SDK1: variants seen among roughly 807,000 people sequenced by gnomAD.
SDK1 encodes protein sidekick-1.
SDK1 carries 157 observed loss-of-function variants against 245.5 expected under a neutral mutation model. That is an observed-to-expected ratio of 0.64 (90% CI 0.56 to 0.73). SDK1 has a LOEUF of 0.73. SDK1 is among the 30% of genes least tolerant of loss of function. The pLI is 0.00. For missense variants in SDK1, 3,583 were observed against 3,002.3 expected, an observed-to-expected ratio of 1.19 and a Z score of -4.52; for synonymous variants, 1,647 against 1,278.5, an observed-to-expected ratio of 1.29 and a Z score of -6.15.
intron 4 of SDK1, among the ~76,000 whole-genome samples, chr7:3,785,956 G>T (rs9655328): frequency 6.6e-6 from 1 of 152,172 alleles, no homozygotes; most frequent in East Asian, 1.9e-4. Context: ...CAGTTTTAGC[G>T]ATTGCTTGCT....
chr7:3,916,923 G>A (rs1330582021), intron 5 of SDK1, among the ~76,000 whole-genome samples: 1 of 152,198 alleles, frequency 6.6e-6, no homozygotes, highest in East Asian at 1.9e-4. Context: ...TACAGGCACA[G>A]ATGCAGACTC....
At chr7:4,095,510 A>T (rs1584112986) in intron 22 of SDK1, among the ~76,000 whole-genome samples, 1 of 152,212 alleles carries the variant, frequency 6.6e-6, no homozygotes, top group African/African-American at 2.4e-5. Context: ...TATTGTTTTC[A>T]GCTACTTTCA....
At chr7:4,260,446 C>G (rs1409143706) in intron 44 of SDK1, among the ~76,000 whole-genome samples, 1 of 140,152 alleles carries the variant, frequency 7.1e-6, no homozygotes, top group African/African-American at 2.7e-5. Context: ...GATGGAGAAG[C>G]TGGCTGCTCC....
intron 5 of SDK1, among the ~76,000 whole-genome samples, chr7:3,930,755 T>C (rs1428833498): frequency 1.3e-5 from 2 of 152,012 alleles, no homozygotes; most frequent in Non-Finnish European, 2.9e-5. Context: ...ATCGCACCAC[T>C]TCACTCCAGC....
intron 18 of SDK1, among the ~76,000 whole-genome samples, chr7:4,050,439 G>T (rs770256501): frequency 1.3e-5 from 2 of 152,200 alleles, no homozygotes; most frequent in African/African-American, 2.4e-5. Flanking sequence ...GTCGAGTCTC[G>T]TTGGCAAGGC....
intron 4 of SDK1, among the ~76,000 whole-genome samples, chr7:3,804,567 T>C (rs1055182328): frequency 6.6e-6 from 1 of 152,222 alleles, no homozygotes; most frequent in Non-Finnish European, 1.5e-5. Context: ...TGCCTTTACA[T>C]ATTATTTTTA....
intron 4 of SDK1, among the ~76,000 whole-genome samples, chr7:3,716,262 T>TG (rs1242925758): frequency 6.6e-6 from 1 of 151,190 alleles, no homozygotes; most frequent in Admixed American, 6.6e-5. Context: ...CTTTCTAAAT[T>TG]GGGGGAAAAA....
chr7:3,404,370 C>A (rs1778997162), intron 1 of SDK1, among the ~76,000 whole-genome samples: 1 of 152,148 alleles, frequency 6.6e-6, no homozygotes, highest in African/African-American at 2.4e-5. Flanking sequence ...ATTGTTATCA[C>A]TGATTTGTAA....
In SDK1 at chr7:4,044,396, A is replaced by C. The variant is rs145606199; in HGVS notation, c.2603-4952A>C. On this transcript the variant is annotated intron_variant, in intron 17 of 44. Transcript: ENST00000404826. ...GAGCCTACATTGAAGGGTTTCAGAC[A>C]TAGACACCACCTCTTCATGGGAAAA... Among the ~76,000 whole-genome samples, 769 of 152,364 alleles carry C rather than the reference A, an allele frequency of 5.0e-3. 8 individuals carry two copies. Among genetic ancestry groups the C allele is most frequent in the African/African-American group, 0.017 (693 of 41,588 alleles).
intron 5 of SDK1, among the ~76,000 whole-genome samples, chr7:3,940,830 A>T (rs1166921892): frequency 6.6e-6 from 1 of 152,020 alleles, no homozygotes; most frequent in Admixed American, 6.5e-5. Context: ...TAGTAAATTA[A>T]TTAAAAAAAT....
At chr7:3,848,115 G>A (rs975263610) in intron 5 of SDK1, among the ~76,000 whole-genome samples, 1 of 152,060 alleles carries the variant, frequency 6.6e-6, no homozygotes, top group African/African-American at 2.4e-5. Flanking sequence ...ATTCCATCTC[G>A]AGCTGTTATG....
At chr7:3,692,482 A>G (rs1261386721) in intron 4 of SDK1, among the ~76,000 whole-genome samples, 2 of 152,140 alleles carry the variant, frequency 1.3e-5, no homozygotes, top group Non-Finnish European at 2.9e-5. Context: ...CATATTTTTC[A>G]ATAACATATT....
chr7:3,968,173 G>A (rs1042166406), intron 10 of SDK1, among the ~76,000 whole-genome samples: 2 of 152,216 alleles, frequency 1.3e-5, no homozygotes, highest in African/African-American at 4.8e-5. Flanking sequence ...TTTTGTTGAA[G>A]AAAGATGCTT....
At chr7:3,921,206 A>G (rs1456613742) in intron 5 of SDK1, among the ~76,000 whole-genome samples, 1 of 152,254 alleles carries the variant, frequency 6.6e-6, no homozygotes, top group East Asian at 1.9e-4. Flanking sequence ...CAAATAAAAA[A>G]TACATTTTTT....
chr7:3,804,329 C>G (rs759334057), intron 4 of SDK1, among the ~76,000 whole-genome samples: 1 of 152,042 alleles, frequency 6.6e-6, no homozygotes, highest in African/African-American at 2.4e-5. Flanking sequence ...TGCTTTGGTA[C>G]CATTGTTAAA....
intron 10 of SDK1, 64 bp downstream of exon 10, chr7:3,967,498 C>T: frequency 2.1e-6 from 2 of 966,292 alleles, no homozygotes; most frequent in Non-Finnish European, 3.3e-6. Context: ...CGGGCCAGTG[C>T]TTGCTTCTTA....
chr7:3,571,747 G>A (rs935816774), intron 1 of SDK1, among the ~76,000 whole-genome samples: 1 of 152,036 alleles, frequency 6.6e-6, no homozygotes, highest in Non-Finnish European at 1.5e-5. Flanking sequence ...TAACATTCTT[G>A]GTAATCAGAG....
At chr7:3,678,541 T>C (rs1002685504) in intron 4 of SDK1, among the ~76,000 whole-genome samples, 5 of 152,136 alleles carry the variant, frequency 3.3e-5, no homozygotes, top group Admixed American at 1.3e-4. Context: ...AGAACACCCA[T>C]TGTGTGGTTT....
intron 4 of SDK1, among the ~76,000 whole-genome samples, chr7:3,698,453 C>T (rs1784638217): frequency 1.3e-5 from 2 of 152,108 alleles, no homozygotes. Flanking sequence ...CAGAAGAGGC[C>T]TAGTGGAGAA....
Sources: gnomAD v4.1 joint callset for allele counts (sites outside exome capture counted in the v4.1 genomes callset) on GRCh38, gnomAD v4.1.1 for gene constraint, MANE v1.5 for transcripts, NCBI Gene and HGNC (gene_info 2026-07-23, HGNC 2026-07-21) for gene names.